FGF12: variants seen among roughly 807,000 people sequenced by gnomAD.
FGF12 encodes the protein fibroblast growth factor 12B.
In FGF12, 14 loss-of-function variants were observed where a neutral mutation model predicts 23.6. The ratio of observed to expected loss-of-function variants is 0.59; its 90% CI spans 0.39 to 0.93. The LOEUF (loss-of-function observed/expected upper bound fraction) is 0.93. Among genes scored for constraint, FGF12 ranks in the 40% least tolerant of loss-of-function variants. FGF12 has a pLI of 0.00. For synonymous variants in FGF12, 62 were observed against 77.3 expected (o/e 0.80, Z 1.04); for missense variants, 175 against 217.8 (o/e 0.80, Z 1.24).
rs981484940 is a variant in FGF12, at chr3:192,650,850, G to A, written c.13+76331C>T. Reference sequence around the variant, plus strand: ...CTTTACATATTCTGTCCTATCATCCGACAAGATAGCTTGAATTTTTTACTT... The same window carrying A: ...CTTTACATATTCTGTCCTATCATCCAACAAGATAGCTTGAATTTTTTACTT... On this transcript the variant is annotated intron_variant, in intron 2 of 5. Coordinates refer to ENST00000445105, the MANE Select transcript of FGF12 (RefSeq NM_004113.6). Among the ~76,000 whole-genome samples, 11 of 152,188 alleles carry A rather than the reference G, an allele frequency of 7.2e-5. No individual in the cohort carries two copies. The South Asian group carries it at 8.3e-4, about 11-fold the overall frequency.
chr3:192,545,405 G>C (rs1725471317), intron 2 of FGF12, among the ~76,000 whole-genome samples: 1 of 152,208 alleles, frequency 6.6e-6, no homozygotes, highest in Admixed American at 6.5e-5. Flanking sequence ...GCTGTGAATA[G>C]TCATGTTTCA....
chr3:192,312,944 G>C (rs1468822382), intron 4 of FGF12, among the ~76,000 whole-genome samples: 13 of 152,026 alleles, frequency 8.6e-5, no homozygotes, highest in Admixed American at 8.5e-4. Context: ...AAATTGAATA[G>C]GTGAACAAAT....
intron 4 of FGF12, among the ~76,000 whole-genome samples, chr3:192,332,703 A>T (rs894745520): frequency 2.6e-5 from 4 of 152,064 alleles, no homozygotes; most frequent in Admixed American, 2.6e-4. Context: ...TAGATAAATG[A>T]TACTGCTTGT....
At chr3:192,249,196 G>C (rs1711838180) in intron 4 of FGF12, among the ~76,000 whole-genome samples, 1 of 152,102 alleles carries the variant, frequency 6.6e-6, no homozygotes, top group South Asian at 2.1e-4. Context: ...CTAGCAGAAT[G>C]TCTTTCACAA....
intron 4 of FGF12, among the ~76,000 whole-genome samples, chr3:192,274,987 C>T (rs1245178148): frequency 6.6e-6 from 1 of 152,070 alleles, no homozygotes; most frequent in Non-Finnish European, 1.5e-5. Flanking sequence ...AAAGTGAAAA[C>T]AGATCTTTCA....
intron 5 of FGF12, among the ~76,000 whole-genome samples, chr3:192,166,932 G>A (rs1715192939): frequency 6.6e-6 from 1 of 151,780 alleles, no homozygotes; most frequent in Non-Finnish European, 1.5e-5. Context: ...TAGTGAATCT[G>A]ATTTAGAATG....
At chr3:192,305,770 T>G (rs965329291) in intron 4 of FGF12, among the ~76,000 whole-genome samples, 1 of 148,934 alleles carries the variant, frequency 6.7e-6, no homozygotes, top group East Asian at 1.9e-4. Flanking sequence ...TGTCGGACAC[T>G]GATATTAGTG....
intron 4 of FGF12, among the ~76,000 whole-genome samples, chr3:192,263,337 C>A (rs1404706025): frequency 6.6e-6 from 1 of 151,994 alleles, no homozygotes; most frequent in Non-Finnish European, 1.5e-5. Flanking sequence ...ACCTTTCTTA[C>A]TGAAAATATG....
intron 2 of FGF12, among the ~76,000 whole-genome samples, chr3:192,560,071 A>G (rs1366831533): frequency 6.6e-6 from 1 of 152,116 alleles, no homozygotes. Context: ...TTGAATTAAA[A>G]TTCACTAAGA....
At chr3:192,646,721 G>C (rs1716018196) in intron 2 of FGF12, among the ~76,000 whole-genome samples, 2 of 152,258 alleles carry the variant, frequency 1.3e-5, no homozygotes, top group South Asian at 4.1e-4. Flanking sequence ...GGGGAAAATG[G>C]GGAATGACTG....
intron 2 of FGF12, among the ~76,000 whole-genome samples, chr3:192,555,620 T>C (rs1385363807): frequency 1.4e-5 from 1 of 71,750 alleles, no homozygotes; most frequent in Non-Finnish European, 2.5e-5. Context: ...CTGTCTTTAC[T>C]AAAAAGTACC....
intron 2 of FGF12, among the ~76,000 whole-genome samples, chr3:192,440,670 G>A (rs1722177445): frequency 6.6e-6 from 1 of 152,108 alleles, no homozygotes; most frequent in Non-Finnish European, 1.5e-5. Context: ...GATGGTAAGA[G>A]GTTTTCACAC....
At chr3:192,247,992 TTTC>T (rs1343975335) in intron 4 of FGF12, among the ~76,000 whole-genome samples, 1 of 152,198 alleles carries the variant, frequency 6.6e-6, no homozygotes, top group African/African-American at 2.4e-5. Flanking sequence ...CCTTCAAGAC[TTTC>T]TTATTTTATT....
At chr3:192,671,200 G>T (rs1717101538) in intron 2 of FGF12, among the ~76,000 whole-genome samples, 1 of 152,196 alleles carries the variant, frequency 6.6e-6, no homozygotes, top group Admixed American at 6.5e-5. Flanking sequence ...ATCCTGCAGA[G>T]CTTTGAAGTT....
chr3:192,565,450 C>T (rs981062201), intron 2 of FGF12, among the ~76,000 whole-genome samples: 3 of 152,198 alleles, frequency 2.0e-5, no homozygotes, highest in African/African-American at 7.2e-5. Flanking sequence ...CAACAATGGA[C>T]TGCATAATAG....
chr3:192,712,430 A>G (rs1327342899), intron 2 of FGF12, among the ~76,000 whole-genome samples: 1 of 152,002 alleles, frequency 6.6e-6, no homozygotes, highest in Non-Finnish European at 1.5e-5. Context: ...TGAAAATGAA[A>G]CTATAAGAAG....
At chr3:192,667,072 T>G (rs73056278) in intron 2 of FGF12, among the ~76,000 whole-genome samples, 17,268 of 152,202 alleles carry the variant, frequency 0.11, 2,563 homozygotes, top group East Asian at 0.35. Context: ...ATAATATCAT[T>G]CATTCATTGA....
At chr3:192,373,510 GATT>G (rs1334190235) in intron 2 of FGF12, among the ~76,000 whole-genome samples, 1 of 151,942 alleles carries the variant, frequency 6.6e-6, no homozygotes, top group Non-Finnish European at 1.5e-5. Flanking sequence ...AATCAATGAA[GATT>G]ATTAAAATTT....
chr3:192,171,016 A>T (rs947992465), intron 4 of FGF12, among the ~76,000 whole-genome samples: 1 of 152,198 alleles, frequency 6.6e-6, no homozygotes, highest in Non-Finnish European at 1.5e-5. Context: ...AGGAACTAAA[A>T]TTTATCCTGG....
Sources: gnomAD v4.1 joint callset for allele counts (sites outside exome capture counted in the v4.1 genomes callset) on GRCh38, gnomAD v4.1.1 for gene constraint, MANE v1.5 for transcripts, NCBI Gene and HGNC (gene_info 2026-07-23, HGNC 2026-07-21) for gene names.